Variants in GLDC observed in about 807,000 individuals in gnomAD.
GLDC encodes glycine dehydrogenase (decarboxylating), mitochondrial.
GLDC carries 104 observed loss-of-function variants against 121.3 expected under a neutral mutation model. The observed-to-expected ratio is 0.86, with a 90% CI of 0.73 to 1.01. GLDC has a LOEUF of 1.01. GLDC is among the 50% of genes least tolerant of loss of function. The pLI is 0.00. For synonymous variants in GLDC, 546 were observed against 480.6 expected (o/e 1.14, Z -1.78); for missense variants, 1,429 against 1,306.6 (o/e 1.09, Z -1.44).
At chr9:6,592,035 T>A in intron 11 of GLDC, 108 bp downstream of exon 11, 1 of 759,710 alleles carries the variant, frequency 1.3e-6, no homozygotes, top group South Asian at 1.4e-5. Context: ...AACAACAAGC[T>A]ACCAGTGTCA....
At chr9:6,554,850 G>A (rs1398244172) in intron 18 of GLDC, 69 bp from the exon 19 acceptor site, 5 of 1,142,744 alleles carry the variant, frequency 4.4e-6, no homozygotes, top group Non-Finnish European at 6.5e-6. Flanking sequence ...TGAAGGCCAT[G>A]GCTGGCCGGT....
At chr9:6,558,762 T>C in intron 16 of GLDC, 78 bp from the exon 17 acceptor site, 1 of 1,461,252 alleles carries the variant, frequency 6.8e-7, no homozygotes, top group Non-Finnish European at 9.6e-7. Context: ...TACTACAACA[T>C]GCTTGTAGCA....
chr9:6,590,131 A>G (rs1818348893), intron 11 of GLDC, among the ~76,000 whole-genome samples: 1 of 152,164 alleles, frequency 6.6e-6, no homozygotes, highest in South Asian at 2.1e-4. Flanking sequence ...GTGACACCAA[A>G]GGAATAAACA....
chr9:6,603,821 C>T (rs1181033509), intron 7 of GLDC, among the ~76,000 whole-genome samples: 1 of 151,538 alleles, frequency 6.6e-6, no homozygotes, highest in Non-Finnish European at 1.5e-5. Context: ...CCTCCACCTC[C>T]GTGGTTCAAG....
intron 15 of GLDC, among the ~76,000 whole-genome samples, chr9:6,579,400 A>C (rs963712681): frequency 1.2e-4 from 18 of 152,132 alleles, no homozygotes; most frequent in Admixed American, 4.6e-4. Flanking sequence ...TGAGTTCCTT[A>C]ACTTTTCCCT....
At chr9:6,540,755 T>A (rs1817240030) in intron 21 of GLDC, 2 of 154,842 alleles carry the variant, frequency 1.3e-5, no homozygotes, top group South Asian at 4.0e-4. Context: ...AACAAGGAGT[T>A]AATGAGGCCA....
At chr9:6,644,845 G>A (rs1217633471) in intron 1 of GLDC, 153 bp from the exon 2 acceptor site, 1 of 674,704 alleles carries the variant, frequency 1.5e-6, no homozygotes, top group Non-Finnish European at 2.6e-6. Flanking sequence ...AAGCCAGAAT[G>A]ATTTGGAGGA....
At chr9:6,609,590 C>G (rs1248801251) in intron 4 of GLDC, among the ~76,000 whole-genome samples, 2 of 152,162 alleles carry the variant, frequency 1.3e-5, no homozygotes, top group Admixed American at 6.5e-5. Flanking sequence ...ATCCTCACGT[C>G]TGACCCACAC....
At chr9:6,580,447 G>C (rs1818151462) in intron 15 of GLDC, among the ~76,000 whole-genome samples, 1 of 152,166 alleles carries the variant, frequency 6.6e-6, no homozygotes, top group Non-Finnish European at 1.5e-5. Flanking sequence ...CTGCATGCCA[G>C]AACTTCTTCA....
rs75008919 is a variant in GLDC, at chr9:6,592,617, T to C, written c.1401+234A>G. On this transcript the variant is annotated intron_variant, in intron 10 of 24. Transcript: ENST00000321612. ...AGAGAGGAGTATTATGAACAAAATATGTGCATTTCAGTCCCACATATGAAA... is the reference window on the plus strand; with the variant it reads ...AGAGAGGAGTATTATGAACAAAATACGTGCATTTCAGTCCCACATATGAAA... Among the ~76,000 whole-genome samples the C allele has an allele frequency of 3.6e-3, 543 of 152,330 alleles. 10 individuals carry two copies. The highest frequency in any genetic ancestry group is 0.012 in the African/African-American group (517 of 41,572).
rs192444023 is a variant in GLDC at position 6,569,730 on chromosome 9, C to T, written c.1851-4301G>A. On this transcript the variant is annotated intron_variant, in intron 15 of 24. Coordinates refer to ENST00000321612, the MANE Select transcript of GLDC (RefSeq NM_000170.3). Reference sequence around the variant, plus strand: ...TGCCTGCATGCCTGTAATCACAGCACGTTGGGAGGCCGAGGCGAGCGGATT... The same window carrying T: ...TGCCTGCATGCCTGTAATCACAGCATGTTGGGAGGCCGAGGCGAGCGGATT... Among the ~76,000 whole-genome samples, 505 of 152,070 alleles carry T rather than the reference C, an allele frequency of 3.3e-3. 6 individuals are homozygous for T. Among genetic ancestry groups the T allele is most frequent in the African/African-American group, 0.012 (490 of 41,476 alleles).
intron 2 of GLDC, among the ~76,000 whole-genome samples, chr9:6,642,088 C>T (rs1819640870): frequency 6.6e-6 from 1 of 152,190 alleles, no homozygotes; most frequent in African/African-American, 2.4e-5. Context: ...TCCCAACACC[C>T]CCAGCTCACT....
intron 4 of GLDC, among the ~76,000 whole-genome samples, chr9:6,608,143 G>A (rs933586644): frequency 1.5e-4 from 23 of 152,182 alleles, no homozygotes; most frequent in African/African-American, 5.3e-4. Flanking sequence ...GCCGGGCGGG[G>A]TGGTTCACGC....
intron 20 of GLDC, among the ~76,000 whole-genome samples, chr9:6,551,428 G>A (rs868253316): frequency 6.6e-6 from 1 of 152,062 alleles, no homozygotes; most frequent in African/African-American, 2.4e-5. Context: ...TGATCATAAG[G>A]GATACACATC....
In GLDC at chr9:6,565,409, G is replaced by A. The variant is rs779980470; in HGVS notation, c.1871C>T (p.Ala624Val). ...QPNSGAQGEY[A>V]GLATIRAYLN... ...GTAGGCTCGGATAGTGGCCAGTCCA[G>A]CATATTCTCCCTGGGCTCCGCTTGC... is the stretch of plus-strand genomic sequence containing the variant. The change falls in exon 16 of 25, where the codon GCT (alanine) becomes GTT (valine). Residue 624 changes from alanine (A) to valine (V), a missense_variant. Transcript: ENST00000321612. 6.8e-6 allele frequency: 11 copies of A among 1,613,324 alleles called. No homozygotes were observed. The highest frequency in any genetic ancestry group is 9.3e-6 in the Non-Finnish European group (11 of 1,179,388).
chr9:6,592,365 A>T, intron 10 of GLDC, 142 bp from the exon 11 acceptor site: 1 of 700,080 alleles, frequency 1.4e-6, no homozygotes, highest in South Asian at 1.5e-5. Context: ...CTCCACGCTA[A>T]GGCTTAGAGG....
intron 2 of GLDC, among the ~76,000 whole-genome samples, chr9:6,631,062 C>G (rs753095338): frequency 6.6e-6 from 1 of 152,208 alleles, no homozygotes; most frequent in African/African-American, 2.4e-5. Flanking sequence ...AACCTAAAAC[C>G]CTTGCAGACC....
chr9:6,584,292 A>G (rs1818224208), intron 15 of GLDC, among the ~76,000 whole-genome samples: 1 of 152,238 alleles, frequency 6.6e-6, no homozygotes, highest in Admixed American at 6.5e-5. Flanking sequence ...TGAGTATAAC[A>G]TCAGTGGCTG....
chr9:6,553,980 C>T (rs188167578), intron 19 of GLDC, among the ~76,000 whole-genome samples: 130 of 151,846 alleles, frequency 8.6e-4, no homozygotes, highest in Non-Finnish European at 1.5e-3. Context: ...TCACTTTAAC[C>T]GTAGTCCAAG....
Sources: allele counts gnomAD v4.1 joint callset (sites outside exome capture counted in the v4.1 genomes callset), GRCh38; gene constraint gnomAD v4.1.1; transcripts MANE v1.5; gene names NCBI Gene and HGNC (gene_info 2026-07-23, HGNC 2026-07-21).